Variants in EPHA6 observed in about 807,000 individuals in gnomAD.
EPHA6 encodes EPH receptor A6.
EPHA6 carries 50 observed loss-of-function variants against 112.0 expected under a neutral mutation model. The ratio of observed to expected loss-of-function variants is 0.45; its 90% CI spans 0.36 to 0.56. The LOEUF (loss-of-function observed/expected upper bound fraction) is 0.56, where lower values mean the gene tolerates loss of function less well. Among genes scored for constraint, EPHA6 ranks in the 20% least tolerant of loss-of-function variants. The probability of loss-of-function intolerance (pLI) is 0.00; values close to 1 mark genes in which losing one functional copy is unlikely to be tolerated. For synonymous variants in EPHA6, 529 were observed against 490.7 expected (o/e 1.08, Z -1.03); for missense variants, 1,280 against 1,417.4 (o/e 0.90, Z 1.56).
At chr3:97,516,115 A>C (rs1476368018) in intron 10 of EPHA6, among the ~76,000 whole-genome samples, 1 of 152,168 alleles carries the variant, frequency 6.6e-6, no homozygotes, top group Non-Finnish European at 1.5e-5. Context: ...TAAGACTCAC[A>C]TAGCTTTACA....
chr3:97,491,561 T>C (rs2107523748), intron 10 of EPHA6, among the ~76,000 whole-genome samples: 1 of 151,774 alleles, frequency 6.6e-6, no homozygotes, highest in East Asian at 1.9e-4. Flanking sequence ...TCAGTGTGGG[T>C]CAATTATTAG....
chr3:96,972,107 C>A (rs1318850504), intron 2 of EPHA6, among the ~76,000 whole-genome samples: 1 of 152,020 alleles, frequency 6.6e-6, no homozygotes, highest in East Asian at 1.9e-4. Context: ...GTAATGCTAG[C>A]TAATTTAAAA....
intron 12 of EPHA6, among the ~76,000 whole-genome samples, chr3:97,596,487 G>T (rs1175676280): frequency 6.6e-6 from 1 of 151,928 alleles, no homozygotes; most frequent in Non-Finnish European, 1.5e-5. Flanking sequence ...TAGTGATGGA[G>T]TAACATATAG....
chr3:97,539,796 T>C (rs1012787061), intron 11 of EPHA6, among the ~76,000 whole-genome samples: 5 of 152,180 alleles, frequency 3.3e-5, no homozygotes, highest in Non-Finnish European at 7.3e-5. Flanking sequence ...TTTATTTCAA[T>C]GATGTGAGAA....
In EPHA6 at chr3:97,604,232, G is replaced by C. The variant is rs143702884; in HGVS notation, c.2513-6561G>C. Among the ~76,000 whole-genome samples, 493 of 151,774 alleles carry C rather than the reference G, an allele frequency of 3.2e-3. 2 individuals carry two copies. Among genetic ancestry groups the C allele is most frequent in the African/African-American group, 0.01 (433 of 41,486 alleles). On this transcript the variant is annotated intron_variant, in intron 12 of 17. Coordinates refer to ENST00000389672, the MANE Select transcript of EPHA6 (RefSeq NM_001080448.3). ...GTGAGTTGAAAAGTGAGTTAAAAAA[G>C]GTTACTTGTCCAAAGGGGAAAACAT...
chr3:97,022,389 C>T (rs766856755), intron 3 of EPHA6, among the ~76,000 whole-genome samples: 3 of 152,140 alleles, frequency 2.0e-5, no homozygotes, highest in Non-Finnish European at 4.4e-5. Flanking sequence ...AACTTTTCAG[C>T]TACTTGAGTT....
chr3:97,246,761 T>C (rs771187039), intron 5 of EPHA6, among the ~76,000 whole-genome samples: 4 of 151,902 alleles, frequency 2.6e-5, no homozygotes, highest in Admixed American at 6.6e-5. Flanking sequence ...AATATAAGCA[T>C]CTACCTCCAT....
chr3:97,615,198 A>AC (rs1427835467), intron 13 of EPHA6, among the ~76,000 whole-genome samples: 1 of 151,920 alleles, frequency 6.6e-6, no homozygotes, highest in African/African-American at 2.4e-5. Flanking sequence ...TGAATGTGTG[A>AC]CCCCCGGAAA....
In EPHA6 at chr3:97,736,099, C is replaced by A. The variant is rs529602034; in HGVS notation, c.3109C>A (p.Leu1037Met). 1.9e-6 allele frequency: 3 copies of A among 1,611,754 alleles called. No individual in the cohort carries two copies. The highest frequency in any genetic ancestry group is 3.3e-5 in the Admixed American group (2 of 59,806). ...CCGAAATCCCAGTGCCCTTCACACC[C>A]TGGTGGAGGACATCCTTGTGTAAGA... ...LIRNPSALHT[L>M]VEDILVMPES... The change falls in exon 16 of 18, where the codon CTG becomes ATG. Residue 1037 changes from leucine to methionine, a missense_variant. Physicochemically the swap from Leu to Met is conservative, Grantham distance 15. Coordinates refer to ENST00000389672, the MANE Select transcript of EPHA6 (RefSeq NM_001080448.3).
At chr3:97,327,857 A>T (rs921603111) in intron 5 of EPHA6, among the ~76,000 whole-genome samples, 20 of 147,370 alleles carry the variant, frequency 1.4e-4, no homozygotes, top group African/African-American at 5.1e-4. Flanking sequence ...ATATATGTAT[A>T]TGTGTGTATA....
At chr3:96,894,303 T>C (rs1332935797) in intron 2 of EPHA6, among the ~76,000 whole-genome samples, 2 of 152,184 alleles carry the variant, frequency 1.3e-5, no homozygotes, top group Non-Finnish European at 2.9e-5. Context: ...GAGATACTGT[T>C]TGAAGAATAA....
rs556684504 is a variant in EPHA6 at position 97,448,808 on chromosome 3, T to G, written c.1894+78T>G. 58 of 1,427,234 alleles carry G rather than the reference T, an allele frequency of 4.1e-5. No homozygotes were observed. In the East Asian group the frequency reaches 1.3e-3, roughly 32 times the overall value. 88.4% of individuals were successfully genotyped at this position (1,427,234 alleles called of 1,614,324 possible). ...TTTGACCTGATATTTTAAAACCAGGTGTCCCAAGTTTTTAATAGCTTGTTT... is the reference window on the plus strand; with the variant it reads ...TTTGACCTGATATTTTAAAACCAGGGGTCCCAAGTTTTTAATAGCTTGTTT... On this transcript the variant is annotated intron_variant, in intron 7 of 17. Coordinates refer to ENST00000389672, the MANE Select transcript of EPHA6 (RefSeq NM_001080448.3).
intron 2 of EPHA6, among the ~76,000 whole-genome samples, chr3:96,869,984 C>G (rs1464344684): frequency 6.6e-6 from 1 of 151,926 alleles, no homozygotes; most frequent in East Asian, 1.9e-4. Flanking sequence ...AGGGCTTCAG[C>G]AATGCAATAT....
chr3:97,184,417 A>T (rs1353416510), intron 3 of EPHA6, among the ~76,000 whole-genome samples: 1 of 152,154 alleles, frequency 6.6e-6, no homozygotes, highest in Non-Finnish European at 1.5e-5. Flanking sequence ...TTATACACCA[A>T]TAACAGACAA....
intron 5 of EPHA6, among the ~76,000 whole-genome samples, chr3:97,302,340 CATAAT>C (rs2081128104): frequency 2.6e-5 from 4 of 151,882 alleles, no homozygotes; most frequent in African/African-American, 9.6e-5. Context: ...CTGCTCTTGT[CATAAT>C]AAAATACTAA....
intron 5 of EPHA6, among the ~76,000 whole-genome samples, chr3:97,303,652 G>A (rs1003080171): frequency 2.6e-5 from 4 of 151,744 alleles, no homozygotes; most frequent in East Asian, 1.9e-4. Context: ...AAAACAGGGC[G>A]AACATATATG....
intron 11 of EPHA6, among the ~76,000 whole-genome samples, chr3:97,540,910 G>A (rs2092839754): frequency 1.3e-5 from 2 of 152,122 alleles, no homozygotes; most frequent in Admixed American, 6.5e-5. Context: ...TCCAAATTGG[G>A]AAGGGCTGTA....
At chr3:96,842,478 A>G (rs2034809308) in intron 1 of EPHA6, among the ~76,000 whole-genome samples, 1 of 152,072 alleles carries the variant, frequency 6.6e-6, no homozygotes, top group African/African-American at 2.4e-5. Flanking sequence ...GTTCCTGCAA[A>G]GTATCGCTTC....
chr3:96,818,243 G>C (rs941952782), intron 1 of EPHA6, among the ~76,000 whole-genome samples: 3 of 152,074 alleles, frequency 2.0e-5, no homozygotes, highest in Non-Finnish European at 4.4e-5. Context: ...ACAGTGGCCA[G>C]TAGACACCAG....
Sources: allele counts gnomAD v4.1 joint callset (sites outside exome capture counted in the v4.1 genomes callset), GRCh38; gene constraint gnomAD v4.1.1; transcripts MANE v1.5; gene names NCBI Gene and HGNC (gene_info 2026-07-23, HGNC 2026-07-21).